The following TOX3 variants were observed in gnomAD, a reference collection of about 807,000 sequenced individuals.
TOX3 encodes TOX high mobility group box family member 3.
A neutral mutation model predicts 64.3 loss-of-function variants in TOX3; 22 were observed. The ratio of observed to expected loss-of-function variants is 0.34; its 90% CI spans 0.24 to 0.49. TOX3 has a LOEUF of 0.49. Among genes scored for constraint, TOX3 ranks in the 20% least tolerant of loss-of-function variants. TOX3 has a pLI of 0.99. For synonymous variants in TOX3, 291 were observed against 273.6 expected (o/e 1.06, Z -0.63); for missense variants, 661 against 714.4 (o/e 0.93, Z 0.85).
rs1275009020 is a variant in TOX3, at chr16:52,545,674, C to T, written c.87+963G>A. Among the ~76,000 whole-genome samples the T allele has an allele frequency of 2.0e-5, 3 of 152,294 alleles. No individual in the cohort carries two copies. The East Asian group carries it at 5.8e-4, about 29-fold the overall frequency. On this transcript the variant is annotated intron_variant, in intron 1 of 6. Coordinates refer to ENST00000219746, the MANE Select transcript of TOX3 (RefSeq NM_001080430.4). ...GAAAACCACATTCAAAAGGCACAGG[C>T]CATTCAGAGCCCGGCTGTTTCTCTG... is the stretch of plus-strand genomic sequence containing the variant.
At position 52,439,628 on chromosome 16, in the gene TOX3, A is replaced by G. The variant is rs1233920676; in HGVS notation, c.1328T>C (p.Met443Thr). ...CTGCTGCTGCTGCTGCTGCAATTGC[A>G]TCTGATGCTGCTGGGTTTGCACCGA... ...SPSVQTQQHQMQLQQQQQQQQ... is the reference protein window; with the variant it reads ...SPSVQTQQHQTQLQQQQQQQQ... Residue 443 changes from methionine to threonine, a missense_variant, in exon 7 of 7, where the codon ATG becomes ACG. By Grantham distance (81) the Met-to-Thr change is moderately conservative. Coordinates refer to ENST00000219746, the MANE Select transcript of TOX3 (RefSeq NM_001080430.4). 2.5e-6 allele frequency: 4 copies of G among 1,613,380 alleles called. No individual in the cohort carries two copies. Among genetic ancestry groups the G allele is most frequent in the Non-Finnish European group, 3.4e-6 (4 of 1,179,464 alleles).
At chr16:52,486,122 G>T (rs1961524606) in intron 1 of TOX3, among the ~76,000 whole-genome samples, 2 of 152,300 alleles carry the variant, frequency 1.3e-5, no homozygotes, top group Non-Finnish European at 2.9e-5. Context: ...ATGGGTGCTG[G>T]TGTTCAATGA....
chr16:52,473,355 T>G, intron 1 of TOX3, among the ~76,000 whole-genome samples: 1 of 147,578 alleles, frequency 6.8e-6, no homozygotes, highest in African/African-American at 2.7e-5. Context: ...TGGCACAAAC[T>G]TAATCCTAAA....
At position 52,547,012 on chromosome 16, in the gene TOX3, G is replaced by GCGGCGCTGGGGCC. The variant is rs1465246673; in HGVS notation, c.-302_-290dup. 3 of 928,872 alleles carry GCGGCGCTGGGGCC rather than the reference G, an allele frequency of 3.2e-6. No individual in the cohort carries two copies. Among genetic ancestry groups the GCGGCGCTGGGGCC allele is most frequent in the Non-Finnish European group, 3.8e-6 (3 of 780,910 alleles). The allele number at this position is 928,872 out of a possible 1,614,324, so 57.5% of individuals were successfully genotyped here. On this transcript the variant is annotated 5_prime_UTR_variant, in exon 1 of 7. Transcript: ENST00000219746. Reference sequence around the variant, plus strand: ...GGGCCGGGCGCCGGGGGCGCGGGGCGCGGCGCTGGGGCCCGGGTCGGCGAG... The same window carrying GCGGCGCTGGGGCC: ...GGGCCGGGCGCCGGGGGCGCGGGGCGCGGCGCTGGGGCCCGGCGCTGGGGCCCGGGTCGGCGAG...
chr16:52,476,772 G>T (rs1961220126), intron 1 of TOX3, among the ~76,000 whole-genome samples: 1 of 152,006 alleles, frequency 6.6e-6, no homozygotes, highest in African/African-American at 2.4e-5. Context: ...ATATTTAGTG[G>T]AATATATTAT....
In TOX3 at chr16:52,448,670, C is replaced by G. The variant is rs1739852498; in HGVS notation, c.678+1607G>C. ...TTCTCTGTTCCTCATCACTCTTAAT[C>G]TTCTCTAGCTCCTCTTCTTCCTTTT... On this transcript the variant is annotated intron_variant, in intron 4 of 6. Coordinates refer to ENST00000219746, the MANE Select transcript of TOX3 (RefSeq NM_001080430.4). Among the ~76,000 whole-genome samples the G allele has an allele frequency of 2.0e-5, 3 of 152,172 alleles. No individual in the cohort carries two copies. The South Asian group carries it at 6.2e-4, about 32-fold the overall frequency.
At chr16:52,451,998 T>A (rs1193027418) in intron 3 of TOX3, among the ~76,000 whole-genome samples, 1 of 151,852 alleles carries the variant, frequency 6.6e-6, no homozygotes, top group Non-Finnish European at 1.5e-5. Context: ...GCTAACAACG[T>A]CCCTCCCCGT....
rs1962944145 is a variant in TOX3, at chr16:52,536,391, C to T, written c.87+10246G>A. 2.0e-5 allele frequency among the ~76,000 whole-genome samples: 3 copies of T among 150,748 alleles called. No individual in the cohort carries two copies. In the East Asian group the frequency reaches 5.9e-4, roughly 29 times the overall value. ...TGAGAAGAGGCCAGCCAAGTGAAGACATTTGGGGAGAGGGCTCTAGACAGA... is the reference window on the plus strand; with the variant it reads ...TGAGAAGAGGCCAGCCAAGTGAAGATATTTGGGGAGAGGGCTCTAGACAGA... On this transcript the variant is annotated intron_variant, in intron 1 of 6. Transcript: ENST00000219746.
chr16:52,508,873 T>G (rs1962229200), intron 1 of TOX3, among the ~76,000 whole-genome samples: 1 of 152,120 alleles, frequency 6.6e-6, no homozygotes, highest in African/African-American at 2.4e-5. Context: ...ATTATAGATA[T>G]AAAACAATTC....
At chr16:52,524,383 A>T (rs73588828) in intron 1 of TOX3, among the ~76,000 whole-genome samples, 7,102 of 152,270 alleles carry the variant, frequency 0.047, 398 homozygotes, top group East Asian at 0.16. Flanking sequence ...TGAGAAATGA[A>T]TTCAAATGAA....
Position 52,446,048 on chromosome 16 carries a change from C to T in TOX3, c.852G>A (p.Glu284=), listed in dbSNP as rs1446230235. ...ACATAGATGCTACAATTTTTGAGAC[C>T]TCTCCAAAGGTTGCATTGGGGTTTT... The part of the protein sequence containing the change: ...KGQNPNATFG[E]VSKIVASMWD... Residue 284 remains glutamate (E), a synonymous_variant, in exon 5 of 7, where the codon GAG becomes GAA. Coordinates refer to ENST00000219746, the MANE Select transcript of TOX3 (RefSeq NM_001080430.4). The T allele has an allele frequency of 1.9e-6, 3 of 1,613,788 alleles. No individual in the cohort carries two copies. The highest frequency in any genetic ancestry group is 2.7e-5 in the African/African-American group (2 of 74,916).
chr16:52,464,593 A>G (rs897444524), intron 2 of TOX3, among the ~76,000 whole-genome samples: 5 of 152,336 alleles, frequency 3.3e-5, no homozygotes, highest in African/African-American at 1.2e-4. Context: ...ACACACACAT[A>G]TTAATCCAGA....
intron 3 of TOX3, among the ~76,000 whole-genome samples, chr16:52,461,093 A>T (rs1378352496): frequency 1.3e-5 from 2 of 151,502 alleles, no homozygotes; most frequent in Admixed American, 6.6e-5. Context: ...GAGAGGTGTT[A>T]AAAAAAAACA....
chr16:52,492,990 T>C (rs1216793166), intron 1 of TOX3, among the ~76,000 whole-genome samples: 1 of 152,048 alleles, frequency 6.6e-6, no homozygotes, highest in African/African-American at 2.4e-5. Flanking sequence ...GGTTTTTCCC[T>C]TTATACTTAC....
At chr16:52,545,199 C>T (rs1400568665) in intron 1 of TOX3, among the ~76,000 whole-genome samples, 1 of 152,184 alleles carries the variant, frequency 6.6e-6, no homozygotes, top group Non-Finnish European at 1.5e-5. Flanking sequence ...TCGGCCTTTT[C>T]TTGCCTCTCT....
chr16:52,547,064 T>A lies in TOX3; in HGVS notation c.-341A>T. The A allele has an allele frequency of 1.7e-6, 1 of 592,302 alleles. No individual in the cohort carries two copies. The highest frequency in any genetic ancestry group is 2.1e-6 in the Non-Finnish European group (1 of 473,102). 36.7% of individuals were successfully genotyped at this position (592,302 alleles called of 1,614,324 possible). A position where few individuals can be genotyped will look rare whatever the true frequency, so the allele number is the denominator to read the frequency against. ...CGAGTTCAGGTGCGCTGGGCGAGGCTGGGACGGCGGCGGCGGCGGCGGCTG... is the reference window on the plus strand; with the variant it reads ...CGAGTTCAGGTGCGCTGGGCGAGGCAGGGACGGCGGCGGCGGCGGCGGCTG... On this transcript the variant is annotated 5_prime_UTR_variant, in exon 1 of 7. Coordinates refer to ENST00000219746, the MANE Select transcript of TOX3 (RefSeq NM_001080430.4).
chr16:52,463,655 G>A (rs1426350656), intron 3 of TOX3, among the ~76,000 whole-genome samples: 3 of 152,064 alleles, frequency 2.0e-5, no homozygotes, highest in Non-Finnish European at 4.4e-5. Context: ...CAACAGCAAG[G>A]GAAGATTGGC....
intron 3 of TOX3, among the ~76,000 whole-genome samples, chr16:52,456,742 G>GA (rs1413427534): frequency 2.0e-5 from 3 of 152,148 alleles, no homozygotes; most frequent in African/African-American, 7.2e-5. Context: ...TAACATAAAT[G>GA]AAAAATTAAA....
chr16:52,475,275 G>A (rs1032708487), intron 1 of TOX3, among the ~76,000 whole-genome samples: 5 of 152,142 alleles, frequency 3.3e-5, no homozygotes, highest in African/African-American at 9.7e-5. Context: ...TAAATAGTAG[G>A]TGTTCAATAG....
Sources: gnomAD v4.1 joint callset for allele counts (sites outside exome capture counted in the v4.1 genomes callset) on GRCh38, gnomAD v4.1.1 for gene constraint, MANE v1.5 for transcripts, NCBI Gene and HGNC (gene_info 2026-07-23, HGNC 2026-07-21) for gene names.